The following LRPPRC variants were observed in gnomAD, a reference collection of about 807,000 sequenced individuals.
LRPPRC encodes the protein leucine rich pentatricopeptide repeat containing.
LRPPRC carries 120 observed loss-of-function variants against 180.3 expected under a neutral mutation model. The observed-to-expected ratio is 0.67, with a 90% confidence interval of 0.57 to 0.77. The LOEUF (loss-of-function observed/expected upper bound fraction) is 0.77. Among genes scored for constraint, LRPPRC ranks in the 30% least tolerant of loss-of-function variants. The probability of loss-of-function intolerance (pLI) is 0.00; values close to 1 mark genes in which losing one functional copy is unlikely to be tolerated. For synonymous variants in LRPPRC, 723 were observed against 600.0 expected (o/e 1.21, Z -3.00); for missense variants, 2,012 against 1,657.2 (o/e 1.21, Z -3.72).
chr2:43,901,643 ATTAATTTT>A, intron 31 of LRPPRC, 119 bp from the exon 32 acceptor site: 1 of 700,212 alleles, frequency 1.4e-6, no homozygotes, highest in Non-Finnish European at 2.6e-6. Context: ...GCTATGAATA[ATTAATTTT>A]AGATTACAGA....
At chr2:43,963,856 G>A in intron 11 of LRPPRC, 150 bp from the exon 12 acceptor site, 1 of 666,594 alleles carries the variant, frequency 1.5e-6, no homozygotes, top group Non-Finnish European at 2.7e-6. Flanking sequence ...GAAACACTGT[G>A]AGATACAATG....
At chr2:43,940,529 A>G (rs1441421936) in intron 23 of LRPPRC, among the ~76,000 whole-genome samples, 1 of 152,206 alleles carries the variant, frequency 6.6e-6, no homozygotes, top group Non-Finnish European at 1.5e-5. Flanking sequence ...AATGAAATGC[A>G]TATGTACATA....
At chr2:43,900,992 T>C (rs554963310) in intron 32 of LRPPRC, among the ~76,000 whole-genome samples, 2 of 152,270 alleles carry the variant, frequency 1.3e-5, no homozygotes, top group East Asian at 1.9e-4. Context: ...CTATCAAATA[T>C]TACTGACAAA....
intron 22 of LRPPRC, among the ~76,000 whole-genome samples, 200 bp from the exon 23 acceptor site, chr2:43,944,094 T>A (rs1017779778): frequency 1.3e-5 from 2 of 152,060 alleles, no homozygotes; most frequent in Admixed American, 6.6e-5. Flanking sequence ...CCCTGCAACT[T>A]TGACTACAAA....
At chr2:43,978,645 A>C (rs1214739949) in intron 3 of LRPPRC, among the ~76,000 whole-genome samples, 1 of 151,986 alleles carries the variant, frequency 6.6e-6, no homozygotes, top group Non-Finnish European at 1.5e-5. Context: ...TCCATTCTGA[A>C]AGTCAACATT....
chr2:43,991,262 C>G (rs746276550), intron 1 of LRPPRC, among the ~76,000 whole-genome samples: 3 of 152,054 alleles, frequency 2.0e-5, no homozygotes, highest in Non-Finnish European at 2.9e-5. Flanking sequence ...AAACTCCTGA[C>G]CTCAAGTGAT....
Position 43,949,653 on chromosome 2 carries a change from C to T in LRPPRC, c.1684G>A (p.Glu562Lys). The T allele has an allele frequency of 6.2e-7, 1 of 1,613,238 alleles. No homozygotes were observed. ...TAACGTCCATCCTTGTACAACAATT[C>T]TGTTATCTGGTAAGACAGAAAATTC... ...MNINLWSEIT[E>K]LLYKDGRYCQ... Residue 562 changes from glutamate to lysine, a missense_variant, in exon 16 of 38, where the codon GAA becomes AAA. Glu to Lys is a moderately conservative substitution (Grantham distance 56). Coordinates refer to ENST00000260665, the MANE Select transcript of LRPPRC (RefSeq NM_133259.4).
chr2:43,920,120 G>A (rs1446011127), intron 27 of LRPPRC, among the ~76,000 whole-genome samples: 1 of 149,976 alleles, frequency 6.7e-6, no homozygotes, highest in African/African-American at 2.4e-5. Flanking sequence ...AAATTCCCCT[G>A]GGTCACACAG....
At chr2:43,970,208 A>G (rs1260114671) in intron 11 of LRPPRC, among the ~76,000 whole-genome samples, 1 of 152,172 alleles carries the variant, frequency 6.6e-6, no homozygotes, top group Non-Finnish European at 1.5e-5. Context: ...TTCCAGTAAC[A>G]TTTATCAGAA....
Position 43,889,893 on chromosome 2 carries a change from A to C in LRPPRC, c.3986-17T>G, listed in dbSNP as rs780768484. The C allele has an allele frequency of 6.3e-7, 1 of 1,580,924 alleles. No individual in the cohort carries two copies. Among genetic ancestry groups the C allele is most frequent in the South Asian group, 1.1e-5 (1 of 90,402 alleles). On this transcript the variant is annotated splice_polypyrimidine_tract_variant and intron_variant, in intron 36 of 37. Coordinates refer to ENST00000260665, the MANE Select transcript of LRPPRC (RefSeq NM_133259.4). ...TCTCTGAGACTGACATAAAGAAAAA[A>C]ATATATTAATCAGAGATAAAGACAA... is the stretch of plus-strand genomic sequence containing the variant.
At chr2:43,938,706 G>A (rs550971562) in intron 23 of LRPPRC, among the ~76,000 whole-genome samples, 2 of 152,172 alleles carry the variant, frequency 1.3e-5, no homozygotes, top group Non-Finnish European at 2.9e-5. Context: ...CAAACACCAT[G>A]TAGCATGTAA....
chr2:43,918,047 G>A lies in LRPPRC; in HGVS notation c.3126C>T (p.Ala1042=), dbSNP rs2105025487. 4 of 1,611,666 alleles carry A rather than the reference G, an allele frequency of 2.5e-6. No homozygotes were observed. The South Asian group carries it at 3.3e-5, about 13-fold the overall frequency. ...TGCCTTTTTTTTGGTTCAATCGGCA[G>A]GCAATCAATATATCTTTCTGGAAAT... is the stretch of plus-strand genomic sequence containing the variant. ...EPDFQKDILI[A]CRLNQKKGAY... Residue 1042 remains alanine (A), a synonymous_variant, in exon 29 of 38, where the codon GCC becomes GCT. Coordinates refer to ENST00000260665, the MANE Select transcript of LRPPRC (RefSeq NM_133259.4).
rs749848504 is a variant in LRPPRC, at chr2:43,963,628, G to C, written c.1448C>G (p.Pro483Arg). 9 of 1,612,218 alleles carry C rather than the reference G, an allele frequency of 5.6e-6. No individual in the cohort carries two copies. The East Asian group carries it at 1.8e-4, about 32-fold the overall frequency. Residue 483 changes from proline to arginine, a missense_variant, in exon 12 of 38, where the codon CCA becomes CGA. Coordinates refer to ENST00000260665, the MANE Select transcript of LRPPRC (RefSeq NM_133259.4). ...TGCTGAGTTTACACTATCAAAGCAT[G>C]GAATCACATAATCTGTATATGTTTC... The part of the protein sequence containing the change: ...DQETYTDYVI[P>R]CFDSVNSARA...
At chr2:43,990,844 T>TC (rs1357803769) in intron 1 of LRPPRC, among the ~76,000 whole-genome samples, 14 of 145,772 alleles carry the variant, frequency 9.6e-5, no homozygotes, top group African/African-American at 3.4e-4. Flanking sequence ...ATCAGGTTCT[T>TC]TTTTTTTTTT....
At chr2:43,973,036 T>C (rs541631075) in intron 11 of LRPPRC, among the ~76,000 whole-genome samples, 1 of 152,348 alleles carries the variant, frequency 6.6e-6, no homozygotes, top group East Asian at 1.9e-4. Context: ...ATCCCATGTG[T>C]ACAAGGGAAA....
At chr2:43,937,271 A>T (rs1016413732) in intron 23 of LRPPRC, among the ~76,000 whole-genome samples, 17 of 152,308 alleles carry the variant, frequency 1.1e-4, no homozygotes, top group African/African-American at 3.8e-4. Flanking sequence ...TTAAGAACCA[A>T]TGTTACTGCT....
chr2:43,955,963 T>G (rs1163618104), intron 14 of LRPPRC, among the ~76,000 whole-genome samples: 1 of 151,944 alleles, frequency 6.6e-6, no homozygotes, highest in Non-Finnish European at 1.5e-5. Flanking sequence ...GGTGGTGGCA[T>G]CATTATTGCA....
In LRPPRC at chr2:43,974,158, T is replaced by C; in HGVS notation, c.1147A>G (p.Met383Val). 3.7e-6 allele frequency: 6 copies of C among 1,613,710 alleles called. No homozygotes were observed. The highest frequency in any genetic ancestry group is 4.2e-6 in the Non-Finnish European group (5 of 1,179,584). ...GSFFLQHCVTMNTPVEKLTDY... is the reference protein window; with the variant it reads ...GSFFLQHCVTVNTPVEKLTDY... ...AAAAGTGGACAGAATACCGTATTCATAGTCACACAGTGTTGTAAAAAGAAA... is the reference window on the plus strand; with the variant it reads ...AAAAGTGGACAGAATACCGTATTCACAGTCACACAGTGTTGTAAAAAGAAA... Residue 383 changes from methionine to valine, a missense_variant, in exon 9 of 38, where the codon ATG (methionine) becomes GTG (valine). Transcript: ENST00000260665.
chr2:43,959,298 A>G, intron 13 of LRPPRC: 1 of 690,326 alleles, frequency 1.4e-6, no homozygotes, highest in Middle Eastern at 2.3e-4. Context: ...ATTTGACTCA[A>G]ATAACTACAA....
Sources: gnomAD v4.1 joint callset for allele counts (sites outside exome capture counted in the v4.1 genomes callset) on GRCh38, gnomAD v4.1.1 for gene constraint, MANE v1.5 for transcripts, NCBI Gene and HGNC (gene_info 2026-07-23, HGNC 2026-07-21) for gene names.